The following SLC12A4 variants were observed in gnomAD, a reference collection of about 807,000 sequenced individuals.
SLC12A4 encodes the protein electroneutral potassium-chloride cotransporter 1.
In SLC12A4, 84 loss-of-function variants were observed where a neutral mutation model predicts 119.2. That is an observed-to-expected ratio of 0.70 (90% CI 0.59 to 0.85). SLC12A4 has a LOEUF of 0.85. SLC12A4 is among the 40% of genes least tolerant of loss of function. SLC12A4 has a pLI of 0.00. For missense variants in SLC12A4, 1,298 were observed against 1,476.3 expected (o/e 0.88, Z 1.98); for synonymous variants, 599 against 604.6 (o/e 0.99, Z 0.14).
intron 5 of SLC12A4, 107 bp from the exon 6 acceptor site, chr16:67,954,880 C>T: frequency 1.4e-6 from 2 of 1,421,984 alleles, no homozygotes; most frequent in Non-Finnish European, 1.9e-6. Flanking sequence ...GACTGCTTTT[C>T]CTGTTTGTGG....
At chr16:67,954,910 G>T in intron 5 of SLC12A4, 137 bp from the exon 6 acceptor site, 1 of 1,007,512 alleles carries the variant, frequency 9.9e-7, no homozygotes, top group Non-Finnish European at 1.5e-6. Flanking sequence ...GGGGCTGGGA[G>T]ACCTACCCAG....
chr16:67,968,375 G>A, intron 1 of SLC12A4, 64 bp downstream of exon 1: 1 of 1,429,750 alleles, frequency 7.0e-7, no homozygotes, highest in Non-Finnish European at 9.3e-7. Flanking sequence ...GCGCGGGCCC[G>A]GGATGGCGGC....
chr16:67,943,572 C>CTCTCCTGCTCACCGA lies in SLC12A4; in HGVS notation c.*1253_*1267dup. ...TAATAGGGGCCGGGCATGGATGGGC[C>CTCTCCTGCTCACCGA]TCTCCTGCTCACCGATCCTGGGCTG... On this transcript the variant is annotated 3_prime_UTR_variant, in exon 24 of 24. Coordinates refer to ENST00000316341, the MANE Select transcript of SLC12A4 (RefSeq NM_005072.5). The surrounding 1 kb of genome is among the most constrained non-coding windows in gnomAD (Gnocchi z 4.6). 1 of 506,296 alleles carries CTCTCCTGCTCACCGA rather than the reference C, an allele frequency of 2.0e-6. No individual in the cohort carries two copies. The highest frequency in any genetic ancestry group is 3.6e-6 in the Non-Finnish European group (1 of 277,604). The allele number at this position is 506,296 out of a possible 1,614,324, so 31.4% of individuals were successfully genotyped here.
chr16:67,950,273 A>G lies in SLC12A4; in HGVS notation c.1629+46T>C, dbSNP rs202008652. On this transcript the variant is annotated intron_variant, in intron 12 of 23. Coordinates refer to ENST00000316341, the MANE Select transcript of SLC12A4 (RefSeq NM_005072.5). The surrounding 1 kb of genome is among the most constrained non-coding windows in gnomAD (Gnocchi z 4.3). ...CCCTATCTCTCTCCCCAGCCGGGCG[A>G]GGGCCTGGGAGCAGCCAGGCCATGG... 2,156 of 1,591,922 alleles carry G rather than the reference A, an allele frequency of 1.4e-3. 47 individuals are homozygous for G. In the South Asian group the frequency reaches 0.022, roughly 17 times the overall value.
In SLC12A4 at chr16:67,949,757, G is replaced by A; in HGVS notation, c.1748+43C>T. ...GCCACGGGGAGGTGCTGGGGTTCAGGAAGCCTTTCCCCATCCCCCTGCCCT... is the reference window on the plus strand; with the variant it reads ...GCCACGGGGAGGTGCTGGGGTTCAGAAAGCCTTTCCCCATCCCCCTGCCCT... On this transcript the variant is annotated intron_variant, in intron 13 of 23. Transcript: ENST00000316341. The surrounding 1 kb of genome is among the most constrained non-coding windows in gnomAD (Gnocchi z 4.6). The A allele has an allele frequency of 7.3e-7, 1 of 1,376,830 alleles. No homozygotes were observed. Among genetic ancestry groups the A allele is most frequent in the Non-Finnish European group, 1.0e-6 (1 of 985,736 alleles). The allele number at this position is 1,376,830 out of a possible 1,614,324, so 85.3% of individuals were successfully genotyped here. A position where few individuals can be genotyped will look rare whatever the true frequency, so the allele number is the denominator to read the frequency against.
At chr16:67,960,332 T>A (rs1370699114) in intron 3 of SLC12A4, among the ~76,000 whole-genome samples, 1 of 152,160 alleles carries the variant, frequency 6.6e-6, no homozygotes, top group Non-Finnish European at 1.5e-5. Context: ...TGGACAGACA[T>A]GGCCAGACGC....
rs564488204 is a variant in SLC12A4, at chr16:67,964,834, C to T, written c.116-1275G>A. Among the ~76,000 whole-genome samples the T allele has an allele frequency of 5.3e-5, 8 of 152,364 alleles. No individual in the cohort carries two copies. In the East Asian group the frequency reaches 1.5e-3, roughly 29 times the overall value. On this transcript the variant is annotated intron_variant, in intron 1 of 23. Coordinates refer to ENST00000316341, the MANE Select transcript of SLC12A4 (RefSeq NM_005072.5). The stretch of plus-strand genomic sequence containing the variant: ...GCATCCTCCTGTATCTGATACATCT[C>T]TTGCTATCAGCATGAGGCTTCAATT...
chr16:67,946,270 G>A lies in SLC12A4; in HGVS notation c.2508C>T (p.Ser836=). The A allele has an allele frequency of 6.2e-7, 1 of 1,613,598 alleles. No homozygotes were observed. Among genetic ancestry groups the A allele is most frequent in the Non-Finnish European group, 8.5e-7 (1 of 1,180,030 alleles). Residue 836 remains serine (S), a synonymous_variant, in exon 19 of 24, where the codon AGC becomes AGT. Transcript: ENST00000316341. ...GGCCCTCCAGGTAGCGCTCGTGGTT[G>A]CTGGGGTAGAAGGCGATGTTCTTGG... ...LVPKNIAFYP[S]NHERYLEGHI...
In SLC12A4 at chr16:67,957,898, A is replaced by G; in HGVS notation, c.489T>C (p.Cys163=). The part of the protein sequence containing the change: ...ALLIVLICCC[C]TLLTAISMSA... ...AACCCTCCCACGCCAGGACACTCAC[A>G]CAACAGCAGCAGATAAGCACGATGA... Residue 163 remains cysteine (C), a splice_region_variant and synonymous_variant, in exon 4 of 24, where the codon TGT becomes TGC. Transcript: ENST00000316341. 1 of 1,614,166 alleles carries G rather than the reference A, an allele frequency of 6.2e-7. No individual in the cohort carries two copies. The highest frequency in any genetic ancestry group is 8.5e-7 in the Non-Finnish European group (1 of 1,179,992).
intron 17 of SLC12A4, 84 bp downstream of exon 17, chr16:67,946,853 G>A (rs1466975028): frequency 1.3e-6 from 2 of 1,483,832 alleles, no homozygotes; most frequent in Non-Finnish European, 1.8e-6. Flanking sequence ...GGCCACCCTG[G>A]CCAAGACTGG....
intron 1 of SLC12A4, chr16:67,963,826 G>A (rs951073259): frequency 4.2e-6 from 6 of 1,444,544 alleles, no homozygotes; most frequent in East Asian, 2.5e-5. Context: ...GCACAAGCAC[G>A]TATGGACACT....
chr16:67,955,205 G>A (rs1281810263), intron 5 of SLC12A4, among the ~76,000 whole-genome samples: 2 of 152,232 alleles, frequency 1.3e-5, no homozygotes, highest in East Asian at 1.9e-4. Context: ...TGGCCCTAAG[G>A]CCCCGCACAG....
chr16:67,947,219 G>A (rs2058361183), intron 16 of SLC12A4, 112 bp downstream of exon 16: 2 of 1,498,530 alleles, frequency 1.3e-6, no homozygotes, highest in South Asian at 2.4e-5. Flanking sequence ...CATGGCCCAG[G>A]AGGGTGCCCC....
In SLC12A4 at chr16:67,951,192, G is replaced by A. The variant is rs771048825; in HGVS notation, c.1245C>T (p.Asp415=). Reference sequence around the variant, plus strand: ...CCAGCACGGTGAAGGATGTGGCGATGTCAGCGACCACGTACAGAGGCAGGC... The same window carrying A: ...CCAGCACGGTGAAGGATGTGGCGATATCAGCGACCACGTACAGAGGCAGGC... The part of the protein sequence containing the change: ...KESLPLYVVA[D]IATSFTVLVG... The change falls in exon 9 of 24, where the codon GAC becomes GAT. Residue 415 remains aspartate (D), a synonymous_variant. Coordinates refer to ENST00000316341, the MANE Select transcript of SLC12A4 (RefSeq NM_005072.5). This position sits in a 1 kb window ranked among gnomAD's most constrained non-coding sequence, Gnocchi z 5.2. The A allele has an allele frequency of 1.9e-6, 3 of 1,614,120 alleles. No individual in the cohort carries two copies. The highest frequency in any genetic ancestry group is 2.5e-6 in the Non-Finnish European group (3 of 1,179,974).
rs777608599 is a variant in SLC12A4, at chr16:67,963,481, T to C, written c.194A>G (p.Asn65Ser). ...ASRGIDYYDR[N>S]LALFEEELDI... Reference sequence around the variant, plus strand: ...CTCAGCTACCTCAAACAGTGCCAGGTTCCTGTCATAGTAGTCAATTCCTCT... The same window carrying C: ...CTCAGCTACCTCAAACAGTGCCAGGCTCCTGTCATAGTAGTCAATTCCTCT... The change falls in exon 2 of 24, where the codon AAC (asparagine) becomes AGC (serine). Residue 65 changes from asparagine to serine, a missense_variant. Transcript: ENST00000316341. The C allele has an allele frequency of 1.3e-6, 2 of 1,578,032 alleles. No individual in the cohort carries two copies. The highest frequency in any genetic ancestry group is 1.7e-6 in the Non-Finnish European group (2 of 1,169,430).
In SLC12A4 at chr16:67,948,147, C is replaced by T; in HGVS notation, c.1761G>A (p.Met587Ile). ...AGGCGAGGTTCACGAACAGGTAGCA[C>T]ATCAGAAAGAACCTGCGGCACAGAG... is the stretch of plus-strand genomic sequence containing the variant. Reference protein sequence around the residue: ...VAPILSMFFLMCYLFVNLACA... With the variant: ...VAPILSMFFLICYLFVNLACA... Residue 587 changes from methionine (M) to isoleucine (I), a missense_variant, in exon 14 of 24, where the codon ATG becomes ATA. Transcript: ENST00000316341. 3.7e-6 allele frequency: 6 copies of T among 1,613,250 alleles called. No individual in the cohort carries two copies. Among genetic ancestry groups the T allele is most frequent in the Non-Finnish European group, 5.1e-6 (6 of 1,179,994 alleles).
intron 3 of SLC12A4, 27 bp downstream of exon 3, chr16:67,961,548 G>T: frequency 1.2e-6 from 2 of 1,608,240 alleles, no homozygotes; most frequent in Non-Finnish European, 1.7e-6. Context: ...CCCAGGTGTG[G>T]CCCCTCTGCC....
intron 20 of SLC12A4, 23 bp from the exon 21 acceptor site, chr16:67,945,894 G>A (rs1472668269): frequency 6.2e-7 from 1 of 1,613,580 alleles, no homozygotes; most frequent in Admixed American, 1.7e-5. Flanking sequence ...TTGGCCGTGA[G>A]GACCCAGCTG....
At position 67,949,625 on chromosome 16, in the gene SLC12A4, AG is replaced by A; in HGVS notation, c.1748+174del. The A allele has an allele frequency of 1.8e-6, 1 of 559,754 alleles. No homozygotes were observed. The allele number at this position is 559,754 out of a possible 1,614,324, so 34.7% of individuals were successfully genotyped here. A position where few individuals can be genotyped will look rare whatever the true frequency, so the allele number is the denominator to read the frequency against. On this transcript the variant is annotated intron_variant, in intron 13 of 23. Transcript: ENST00000316341. This position sits in a 1 kb window ranked among gnomAD's most constrained non-coding sequence, Gnocchi z 4.6. Reference sequence around the variant, plus strand: ...ATTGGTCACCTTATAGCTTTGGCATAGGTGCCAGGCTTGCTCCTAAATGCAG... The same window carrying A: ...ATTGGTCACCTTATAGCTTTGGCATAGTGCCAGGCTTGCTCCTAAATGCAG...
Sources: allele counts gnomAD v4.1 joint callset (sites outside exome capture counted in the v4.1 genomes callset), GRCh38; gene constraint gnomAD v4.1.1; non-coding constraint Gnocchi (gnomAD v3.1); transcripts MANE v1.5; gene names NCBI Gene and HGNC (gene_info 2026-07-23, HGNC 2026-07-21).